The following TTC22 variants were observed in gnomAD, a reference collection of about 807,000 sequenced individuals.
TTC22 encodes tetratricopeptide repeat protein 22.
A neutral mutation model predicts 48.2 loss-of-function variants in TTC22; 42 were observed. The ratio of observed to expected loss-of-function variants is 0.87; its 90% CI spans 0.68 to 1.13. The LOEUF (loss-of-function observed/expected upper bound fraction) is 1.13. TTC22 is among the 50% of genes most tolerant of loss of function. TTC22 has a pLI of 0.00. For synonymous variants in TTC22, 345 were observed against 365.5 expected, an observed-to-expected ratio of 0.94 and a Z score of 0.64; for missense variants, 784 against 807.0, an observed-to-expected ratio of 0.97 and a Z score of 0.34.
At chr1:54,793,284 G>A (rs1416909477) in intron 1 of TTC22, among the ~76,000 whole-genome samples, 1 of 152,196 alleles carries the variant, frequency 6.6e-6, no homozygotes, top group Non-Finnish European at 1.5e-5. Flanking sequence ...ACCCTGGTAT[G>A]AGCTGAAGGT....
In TTC22 at chr1:54,780,692, G is replaced by C. The variant is rs997517157; in HGVS notation, c.*551C>G. ...AGAGGCAGGAATGAGCCCTGAGCAC[G>C]AGGCTTAGGCTAGGGCCCTGTCCCG... On this transcript the variant is annotated 3_prime_UTR_variant, in exon 7 of 7. Transcript: ENST00000371276. 1.3e-5 allele frequency: 2 copies of C among 152,294 alleles called. No homozygotes were observed. Among genetic ancestry groups the C allele is most frequent in the Non-Finnish European group, 2.9e-5 (2 of 68,100 alleles). The allele number at this position is 152,294 out of a possible 1,614,324, so 9.4% of individuals were successfully genotyped here.
At chr1:54,788,121 C>T (rs1244569054) in intron 1 of TTC22, 24 bp from the exon 2 acceptor site, 1 of 1,611,766 alleles carries the variant, frequency 6.2e-7, no homozygotes, top group Non-Finnish European at 8.5e-7. Flanking sequence ...GAACAGCCCA[C>T]ACTGCCATTA....
At position 54,801,094 on chromosome 1, in the gene TTC22, G is replaced by C. The variant is rs1300895281; in HGVS notation, c.70C>G (p.His24Asp). The change falls in exon 1 of 7, where the codon CAC becomes GAC. Residue 24 changes from histidine to aspartate, a missense_variant. By Grantham distance (81) the His-to-Asp change is moderately conservative. Coordinates refer to ENST00000371276, the MANE Select transcript of TTC22 (RefSeq NM_001114108.2). ...LIDDLDYLPG[H>D]FHLEMQLNFE... is the part of the protein sequence containing the mutation. ...TTCAACTGCATCTCCAGGTGAAAGT[G>C]GCCCGGGAGGTAGTCCAGGTCGTCG... 1.9e-6 allele frequency: 3 copies of C among 1,611,766 alleles called. No individual in the cohort carries two copies. The highest frequency in any genetic ancestry group is 2.5e-6 in the Non-Finnish European group (3 of 1,179,188).
At chr1:54,786,281 T>C (rs1646300533) in intron 4 of TTC22, 137 bp from the exon 5 acceptor site, 3 of 727,068 alleles carry the variant, frequency 4.1e-6, no homozygotes, top group African/African-American at 3.6e-5. Flanking sequence ...TATCCACCCT[T>C]ATCCACCTGC....
At chr1:54,799,650 C>A (rs762900550) in intron 1 of TTC22, among the ~76,000 whole-genome samples, 14 of 152,152 alleles carry the variant, frequency 9.2e-5, no homozygotes, top group Non-Finnish European at 1.6e-4. Flanking sequence ...GCATTCAGGG[C>A]CACAGGCTCA....
At chr1:54,791,297 G>T (rs1267882030) in intron 1 of TTC22, among the ~76,000 whole-genome samples, 2 of 152,208 alleles carry the variant, frequency 1.3e-5, no homozygotes, top group Non-Finnish European at 2.9e-5. Flanking sequence ...CTAGCATCCA[G>T]CAAGAACAGG....
chr1:54,783,486 A>T (rs989324127), intron 5 of TTC22, among the ~76,000 whole-genome samples: 5 of 152,226 alleles, frequency 3.3e-5, no homozygotes, highest in Non-Finnish European at 7.3e-5. Context: ...TCATTTATTC[A>T]TTCAGCAAAT....
chr1:54,781,143 C>T lies in TTC22; in HGVS notation c.*100G>A. 2.4e-6 allele frequency: 2 copies of T among 849,922 alleles called. No individual in the cohort carries two copies. Among genetic ancestry groups the T allele is most frequent in the African/African-American group, 1.8e-5 (1 of 55,608 alleles). 52.6% of individuals were successfully genotyped at this position (849,922 alleles called of 1,614,324 possible). On this transcript the variant is annotated 3_prime_UTR_variant, in exon 7 of 7. Transcript: ENST00000371276. ...CCAAGAATCGAACTGGCTCCGCTCC[C>T]AGGTCAGCCTAAGGCAGGGAGTCCA...
Position 54,800,910 on chromosome 1 carries a change from G to T in TTC22, c.254C>A (p.Ala85Asp). The T allele has an allele frequency of 6.2e-7, 1 of 1,609,744 alleles. No homozygotes were observed. ...FAFYLEELDE[A>D]RECFLEVAHE... The stretch of plus-strand genomic sequence containing the variant: ...GGCCACCTCGAGGAAGCACTCGCGG[G>T]CCTCGTCCAGCTCCTCCAGGTAGAA... The change falls in exon 1 of 7, where the codon GCC becomes GAC. Residue 85 changes from alanine (A) to aspartate (D), a missense_variant. Transcript: ENST00000371276.
At chr1:54,785,351 TG>T (rs1646291705) in intron 5 of TTC22, 2 of 285,250 alleles carry the variant, frequency 7.0e-6, no homozygotes, top group South Asian at 2.8e-5. Context: ...CTGAAGTTTG[TG>T]GGGGTAAGTG....
chr1:54,787,013 TG>T lies in TTC22; in HGVS notation c.801del (p.Met268TrpfsTer14). ...LERKDTFSTT[P>X]MGVHDCGYSG... ...GAGTACCCGCAGTCATGGACGCCCA[TG>T]GGGGTGGTGGAGAAGGTGTCCTTCC... On this transcript the variant is annotated frameshift_variant, in exon 4 of 7. Coordinates refer to ENST00000371276, the MANE Select transcript of TTC22 (RefSeq NM_001114108.2). LOFTEE classifies it high-confidence loss of function. 1 of 1,561,592 alleles carries T rather than the reference TG, an allele frequency of 6.4e-7. No individual in the cohort carries two copies. Among genetic ancestry groups the T allele is most frequent in the Non-Finnish European group, 8.7e-7 (1 of 1,154,298 alleles).
intron 1 of TTC22, among the ~76,000 whole-genome samples, chr1:54,793,598 G>GCC (rs2101465352): frequency 6.6e-6 from 1 of 152,260 alleles, no homozygotes; most frequent in African/African-American, 2.4e-5. Flanking sequence ...TACCCTCTTT[G>GCC]TACAGATGGG....
rs934182606 is a variant in TTC22, at chr1:54,781,067, G to A, written c.*176C>T. On this transcript the variant is annotated 3_prime_UTR_variant, in exon 7 of 7. Transcript: ENST00000371276. ...GGGAATCAGGCCTTCCAGTCTGGGTGGGCGTTTCAAACCGCGCGGGTGTCG... is the reference window on the plus strand; with the variant it reads ...GGGAATCAGGCCTTCCAGTCTGGGTAGGCGTTTCAAACCGCGCGGGTGTCG... 3.9e-4 allele frequency: 169 copies of A among 436,624 alleles called. No individual in the cohort carries two copies. Among genetic ancestry groups the A allele is most frequent in the Non-Finnish European group, 1.4e-4 (36 of 251,584 alleles). 27.0% of individuals were successfully genotyped at this position (436,624 alleles called of 1,614,324 possible). A position where few individuals can be genotyped will look rare whatever the true frequency, so the allele number is the denominator to read the frequency against.
rs759488564 is a variant in TTC22, at chr1:54,786,957, C to T, written c.858G>A (p.Lys286=). ...SGTDPLDCFG[K]AIEIAKNQPP... ...GGTGGGTGTGGCTGGGGGCAAGTAC[C>T]TTGCCGAAGCAGTCTAGAGGGTCGG... The change falls in exon 4 of 7, where the codon AAG becomes AAA. Residue 286 remains lysine (K), a splice_region_variant and synonymous_variant. Transcript: ENST00000371276. 2 of 1,492,876 alleles carry T rather than the reference C, an allele frequency of 1.3e-6. No individual in the cohort carries two copies. The highest frequency in any genetic ancestry group is 1.4e-5 in the African/African-American group (1 of 71,308). The allele number at this position is 1,492,876 out of a possible 1,614,324, so 92.5% of individuals were successfully genotyped here.
At chr1:54,785,875 A>G in intron 5 of TTC22, 108 bp downstream of exon 5, 1 of 1,066,022 alleles carries the variant, frequency 9.4e-7, no homozygotes, top group East Asian at 2.5e-5. Context: ...GCTCCCTTCC[A>G]CCATGAGGAC....
Position 54,800,939 on chromosome 1 carries a change from G to T in TTC22, c.225C>A (p.Phe75Leu). The T allele has an allele frequency of 6.2e-7, 1 of 1,607,976 alleles. No individual in the cohort carries two copies. The highest frequency in any genetic ancestry group is 8.5e-7 in the Non-Finnish European group (1 of 1,178,860). The part of the protein sequence containing the change: ...RPAVRHLLGA[F>L]AFYLEELDEA... ...CGTCCAGCTCCTCCAGGTAGAATGC[G>T]AAAGCGCCCAGGAGGTGACGCACAG... The change falls in exon 1 of 7, where the codon TTC (phenylalanine) becomes TTA (leucine). Residue 75 changes from phenylalanine (F) to leucine (L), a missense_variant. Coordinates refer to ENST00000371276, the MANE Select transcript of TTC22 (RefSeq NM_001114108.2).
chr1:54,792,442 T>TC (rs1455203507), intron 1 of TTC22, among the ~76,000 whole-genome samples: 4 of 136,566 alleles, frequency 2.9e-5, no homozygotes, highest in African/African-American at 9.1e-5. Context: ...TCTCTCTCTC[T>TC]TTTTTTTTTT....
chr1:54,801,126 G>A lies in TTC22; in HGVS notation c.38C>T (p.Ala13Val), dbSNP rs762161402. ...ELEAVADDLD[A>V]LIDDLDYLPG... The stretch of plus-strand genomic sequence containing the variant: ...GAGGTAGTCCAGGTCGTCGATGAGG[G>A]CGTCTAGATCGTCGGCCACAGCCTC... The change falls in exon 1 of 7, where the codon GCC (alanine) becomes GTC (valine). Residue 13 changes from alanine (A) to valine (V), a missense_variant. Coordinates refer to ENST00000371276, the MANE Select transcript of TTC22 (RefSeq NM_001114108.2). 14 of 1,611,336 alleles carry A rather than the reference G, an allele frequency of 8.7e-6. No homozygotes were observed. In the South Asian group the frequency reaches 9.9e-5, roughly 11 times the overall value.
At chr1:54,784,479 T>G in intron 5 of TTC22, 5 of 926,838 alleles carry the variant, frequency 5.4e-6, no homozygotes, top group Non-Finnish European at 5.2e-6. Flanking sequence ...GTGGCCTCAT[T>G]TGTAGGATGG....
Sources: allele counts gnomAD v4.1 joint callset (sites outside exome capture counted in the v4.1 genomes callset), GRCh38; gene constraint gnomAD v4.1.1; transcripts MANE v1.5; gene names NCBI Gene and HGNC (gene_info 2026-07-23, HGNC 2026-07-21).